Variants in ZNG1F observed in about 807,000 individuals in gnomAD.
ZNG1F encodes Zn regulated GTPase metalloprotein activator 1F.
At chr9:41,165,027 A>C in the ZNG1F span, 2 of 1,587,958 alleles carry the variant, frequency 1.3e-6, 1 homozygote, top group East Asian at 4.5e-5. Context: ...ATTTCTTTAC[A>C]TCTTCTTCTG....
At chr9:41,139,250 G>T in the ZNG1F span, among the ~76,000 whole-genome samples, 1 of 141,986 alleles carries the variant, frequency 7.0e-6, no homozygotes, top group Non-Finnish European at 1.5e-5. Context: ...TCTCTCTTCT[G>T]AATCTAGCCA....
chr9:41,166,409 C>T, the ZNG1F span, among the ~76,000 whole-genome samples: 1 of 93,794 alleles, frequency 1.1e-5, no homozygotes, highest in Admixed American at 1.3e-4. Flanking sequence ...GAGTGAGATT[C>T]TGTCTCAAAA....
the ZNG1F span, among the ~76,000 whole-genome samples, chr9:41,195,664 T>C: frequency 3.4e-5 from 4 of 117,828 alleles, no homozygotes; most frequent in Non-Finnish European, 5.4e-5. Flanking sequence ...TGCACCAATC[T>C]CTCTAAAAGA....
chr9:41,197,654 C>T, the ZNG1F span, among the ~76,000 whole-genome samples: 1 of 125,454 alleles, frequency 8.0e-6, no homozygotes, highest in African/African-American at 2.9e-5. Context: ...AAAGTAAATT[C>T]AACATATTAT....
At chr9:41,204,391 TA>T in the ZNG1F span, among the ~76,000 whole-genome samples, 1 of 14,216 alleles carries the variant, frequency 7.0e-5, no homozygotes, top group African/African-American at 1.5e-4. Context: ...TTTTATTTTA[TA>T]TATATATATA....
At chr9:41,185,771 TTAA>T in the ZNG1F span, among the ~76,000 whole-genome samples, 3 of 126,290 alleles carry the variant, frequency 2.4e-5, no homozygotes, top group African/African-American at 5.9e-5. Context: ...TTTAATTCTG[TTAA>T]TAAGAATTCC....
At chr9:41,139,733 T>C in the ZNG1F span, among the ~76,000 whole-genome samples, 2 of 151,862 alleles carry the variant, frequency 1.3e-5, no homozygotes, top group Admixed American at 6.6e-5. Flanking sequence ...TCCAGGACAG[T>C]TGAATGGATA....
chr9:41,201,349 A>T, the ZNG1F span, among the ~76,000 whole-genome samples: 1 of 116,008 alleles, frequency 8.6e-6, no homozygotes, highest in Non-Finnish European at 1.8e-5. Context: ...AACATGAACT[A>T]CCTCAGGGAG....
At chr9:41,145,336 A>G in the ZNG1F span, 1 of 346,058 alleles carries the variant, frequency 2.9e-6, no homozygotes, top group Admixed American at 6.2e-5. Flanking sequence ...CTGCAAACTA[A>G]AAACAACTGA....
At chr9:41,171,969 A>G in the ZNG1F span, 1 of 142,594 alleles carries the variant, frequency 7.0e-6, no homozygotes, top group Non-Finnish European at 1.2e-5. Flanking sequence ...TACTGTATGT[A>G]ACAACATACT....
chr9:41,183,218 ATT>A, the ZNG1F span, among the ~76,000 whole-genome samples: 11 of 142,690 alleles, frequency 7.7e-5, no homozygotes, highest in Admixed American at 1.4e-4. Context: ...TTTGATAGTC[ATT>A]TTTTTTTTTA....
chr9:41,142,641 TAAAA>T, the ZNG1F span, among the ~76,000 whole-genome samples: 20 of 2,036 alleles, frequency 9.8e-3, no homozygotes, highest in Admixed American at 0.022. Context: ...CCATCTTTAC[TAAAA>T]AAAAAAAAAA....
the ZNG1F span, among the ~76,000 whole-genome samples, chr9:41,147,679 G>GGA: frequency 1.2e-5 from 1 of 85,058 alleles, no homozygotes; most frequent in Non-Finnish European, 2.3e-5. Context: ...TCTCCAAGGG[G>GGA]AAAAAAAAAA....
the ZNG1F span, among the ~76,000 whole-genome samples, chr9:41,196,663 C>T: frequency 2.4e-5 from 2 of 83,664 alleles, 1 homozygote; most frequent in East Asian, 7.0e-4. Context: ...GCACTCCAGC[C>T]TGGGTGAGAG....
the ZNG1F span, among the ~76,000 whole-genome samples, chr9:41,166,351 C>T: frequency 3.4e-5 from 4 of 119,272 alleles, no homozygotes; most frequent in African/African-American, 1.3e-4. Flanking sequence ...ATCGCTTGAA[C>T]CTGGGAGGCA....
At chr9:41,166,344 G>A in the ZNG1F span, among the ~76,000 whole-genome samples, 4 of 120,212 alleles carry the variant, frequency 3.3e-5, no homozygotes, top group Non-Finnish European at 5.1e-5. Context: ...CAGGAGAATC[G>A]CTTGAACCTG....
chr9:41,145,335 A>G, the ZNG1F span: 3 of 348,900 alleles, frequency 8.6e-6, no homozygotes, highest in Non-Finnish European at 1.5e-5. Flanking sequence ...TCTGCAAACT[A>G]AAAACAACTG....
At chr9:41,203,103 G>A in the ZNG1F span, among the ~76,000 whole-genome samples, 1 of 152,252 alleles carries the variant, frequency 6.6e-6, no homozygotes, top group Non-Finnish European at 1.5e-5. Flanking sequence ...ACAAGTTGAT[G>A]TTGCATCCTT....
chr9:41,176,729 G>A, the ZNG1F span: 1 of 144,344 alleles, frequency 6.9e-6, no homozygotes, highest in South Asian at 2.1e-4. Context: ...CCACATAGAA[G>A]TTCTCCCATA....
Sources: gnomAD v4.1 joint callset for allele counts (sites outside exome capture counted in the v4.1 genomes callset) on GRCh38, gnomAD v4.1.1 for gene constraint, MANE v1.5 for transcripts, NCBI Gene and HGNC (gene_info 2026-07-23, HGNC 2026-07-21) for gene names.